Variants in TLE4 observed in about 807,000 individuals in gnomAD.
TLE4 encodes TLE family member 4, transcriptional corepressor.
In TLE4, 8 loss-of-function variants were observed where a neutral mutation model predicts 92.8. The ratio of observed to expected loss-of-function variants is 0.09; its 90% CI spans 0.05 to 0.16. The LOEUF (loss-of-function observed/expected upper bound fraction) is 0.16. Among genes scored for constraint, TLE4 ranks in the 10% least tolerant of loss-of-function variants. The pLI, the probability that TLE4 is intolerant of heterozygous loss-of-function variation, is 1.00. For synonymous variants in TLE4, 371 were observed against 374.1 expected (o/e 0.99, Z 0.10); for missense variants, 675 against 997.6 (o/e 0.68, Z 4.36).
chr9:79,673,000 C>T (rs1320882152), intron 8 of TLE4, among the ~76,000 whole-genome samples: 1 of 152,110 alleles, frequency 6.6e-6, no homozygotes, highest in Non-Finnish European at 1.5e-5. Context: ...TAATTCCAAT[C>T]AATGTGGATA....
intron 9 of TLE4, among the ~76,000 whole-genome samples, chr9:79,705,453 T>C (rs1448587754): frequency 6.6e-6 from 1 of 152,228 alleles, no homozygotes; most frequent in East Asian, 1.9e-4. Context: ...GCTTCCCTGC[T>C]GGTGTCCTAC....
At chr9:79,669,362 A>G (rs979170305) in intron 8 of TLE4, among the ~76,000 whole-genome samples, 5 of 152,232 alleles carry the variant, frequency 3.3e-5, no homozygotes, top group African/African-American at 9.6e-5. Flanking sequence ...GATTTGGAAT[A>G]AGTAGTGAGG....
Position 79,718,705 on chromosome 9 carries a change from C to T in TLE4, c.1341-17C>T, listed in dbSNP as rs1381314428. 7.6e-6 allele frequency: 12 copies of T among 1,586,772 alleles called. No individual in the cohort carries two copies. The highest frequency in any genetic ancestry group is 1.7e-4 in the Middle Eastern group (1 of 5,924). ...TTTTACATTCCCCTCTTTCTTTTTT[C>T]CTCTCCATTGCCTTAGAGCATACTC... On this transcript the variant is annotated splice_polypyrimidine_tract_variant and intron_variant, in intron 14 of 19. Transcript: ENST00000376552.
intron 4 of TLE4, among the ~76,000 whole-genome samples, chr9:79,590,769 T>A (rs1413045646): frequency 6.6e-6 from 1 of 152,240 alleles, no homozygotes; most frequent in East Asian, 1.9e-4. Context: ...ACATTTTGAA[T>A]CATGCTTTTT....
Position 79,658,161 on chromosome 9 carries a change from G to A in TLE4, c.609+4086G>A, listed in dbSNP as rs140880116. 6.3e-3 allele frequency among the ~76,000 whole-genome samples: 952 copies of A among 152,244 alleles called. 11 individuals carry two copies. The highest frequency in any genetic ancestry group is 0.021 in the African/African-American group (870 of 41,538). ...AGTATGATCATTTTTAGTGACTTGT[G>A]CAGTGCCAAATTGATCTCCTAAAAC... On this transcript the variant is annotated intron_variant, in intron 8 of 19. Coordinates refer to ENST00000376552, the MANE Select transcript of TLE4 (RefSeq NM_007005.6).
chr9:79,703,003 G>A (rs551657843), intron 8 of TLE4, among the ~76,000 whole-genome samples: 26 of 151,648 alleles, frequency 1.7e-4, no homozygotes, highest in African/African-American at 6.3e-4. Context: ...AAAGGGCCTC[G>A]TAAATGTTGT....
intron 8 of TLE4, among the ~76,000 whole-genome samples, chr9:79,679,491 A>T (rs2064001183): frequency 6.6e-6 from 1 of 151,924 alleles, no homozygotes; most frequent in African/African-American, 2.4e-5. Flanking sequence ...AATTTCTTTG[A>T]GTTCATTGTA....
At chr9:79,712,466 A>T (rs922546889) in intron 14 of TLE4, among the ~76,000 whole-genome samples, 20 of 152,184 alleles carry the variant, frequency 1.3e-4, no homozygotes, top group African/African-American at 4.3e-4. Flanking sequence ...AAACTTTTTT[A>T]AGTGTGCTAG....
intron 4 of TLE4, among the ~76,000 whole-genome samples, chr9:79,581,393 G>A (rs996129233): frequency 1.9e-4 from 29 of 152,112 alleles, no homozygotes; most frequent in Admixed American, 5.9e-4. Flanking sequence ...TGTGTTTTCC[G>A]AATACTGTGG....
chr9:79,658,475 T>TG (rs2060074160), intron 8 of TLE4, among the ~76,000 whole-genome samples: 4 of 152,236 alleles, frequency 2.6e-5, no homozygotes, highest in African/African-American at 4.8e-5. Context: ...ATCTGTATTT[T>TG]GGGGCATAGA....
chr9:79,593,421 G>A (rs2043162457), intron 4 of TLE4, among the ~76,000 whole-genome samples: 2 of 151,828 alleles, frequency 1.3e-5, no homozygotes, highest in South Asian at 2.1e-4. Flanking sequence ...CAAGCAAAAG[G>A]GTCAGCACTT....
chr9:79,678,953 A>G (rs1323766315), intron 8 of TLE4, among the ~76,000 whole-genome samples: 3 of 152,174 alleles, frequency 2.0e-5, no homozygotes, highest in African/African-American at 7.2e-5. Context: ...ACAGGAACTC[A>G]TCATTTTTTA....
chr9:79,626,450 T>C (rs2052628012), intron 5 of TLE4, among the ~76,000 whole-genome samples: 1 of 152,206 alleles, frequency 6.6e-6, no homozygotes, highest in African/African-American at 2.4e-5. Context: ...TAAACCAAGT[T>C]GAAAGAAACC....
In TLE4 at chr9:79,726,412, G is replaced by A. The variant is rs543922962; in HGVS notation, c.*1268G>A. On this transcript the variant is annotated 3_prime_UTR_variant, in exon 20 of 20. Transcript: ENST00000376552. ...GATGTACAGTGCCTTTGCTGCTATG[G>A]ATCAAAATCAAAAGAACCGTGTAGA... is the stretch of plus-strand genomic sequence containing the variant. 1 of 152,626 alleles carries A rather than the reference G, an allele frequency of 6.6e-6. No individual in the cohort carries two copies. Among genetic ancestry groups the A allele is most frequent in the South Asian group, 2.1e-4 (1 of 4,820 alleles). The allele number at this position is 152,626 out of a possible 1,614,324, so 9.5% of individuals were successfully genotyped here.
chr9:79,612,804 C>A, intron 5 of TLE4, 86 bp downstream of exon 5: 2 of 1,105,690 alleles, frequency 1.8e-6, no homozygotes, highest in Non-Finnish European at 2.8e-6. Context: ...GACTCTCTGG[C>A]CTTGCCAGTC....
intron 5 of TLE4, among the ~76,000 whole-genome samples, chr9:79,624,785 G>A (rs1015527019): frequency 6.6e-6 from 1 of 152,126 alleles, no homozygotes; most frequent in Non-Finnish European, 1.5e-5. Flanking sequence ...TGCTAGAATG[G>A]CACTAAGTAG....
intron 8 of TLE4, among the ~76,000 whole-genome samples, chr9:79,698,322 A>T (rs1251046022): frequency 6.6e-6 from 1 of 152,184 alleles, no homozygotes; most frequent in Non-Finnish European, 1.5e-5. Context: ...TATTTTGATT[A>T]CCTGCAAAAG....
intron 6 of TLE4, among the ~76,000 whole-genome samples, chr9:79,643,793 A>G (rs2057605591): frequency 6.6e-6 from 1 of 152,200 alleles, no homozygotes; most frequent in East Asian, 1.9e-4. Context: ...AGTGGTTGTA[A>G]TATCGATGGT....
intron 4 of TLE4, among the ~76,000 whole-genome samples, chr9:79,603,727 G>A (rs62569294): frequency 1.2e-4 from 18 of 152,004 alleles, no homozygotes; most frequent in South Asian, 2.1e-4. Context: ...CAATTGTAGC[G>A]TGCCTGCAAA....
Sources: allele counts gnomAD v4.1 joint callset (sites outside exome capture counted in the v4.1 genomes callset), GRCh38; gene constraint gnomAD v4.1.1; transcripts MANE v1.5; gene names NCBI Gene and HGNC (gene_info 2026-07-23, HGNC 2026-07-21).